The following SRGAP3 variants were observed in gnomAD, a reference collection of about 807,000 sequenced individuals.
SRGAP3 encodes the protein SLIT-ROBO Rho GTPase-activating protein 3.
A neutral mutation model predicts 121.1 loss-of-function variants in SRGAP3; 39 were observed. The ratio of observed to expected loss-of-function variants is 0.32; its 90% CI spans 0.25 to 0.42. The LOEUF is 0.42. SRGAP3 is among the 10% of genes least tolerant of loss of function. The pLI is 1.00. For missense variants in SRGAP3, 1,213 were observed against 1,470.6 expected (o/e 0.82, Z 2.86); for synonymous variants, 601 against 570.0 (o/e 1.05, Z -0.77).
chr3:9,185,312 G>A (rs760628158), intron 1 of SRGAP3, among the ~76,000 whole-genome samples: 8 of 152,124 alleles, frequency 5.3e-5, no homozygotes, highest in African/African-American at 1.2e-4. Flanking sequence ...CCTACCTGGC[G>A]AGGCCAGATT....
chr3:9,121,510 C>T (rs1211165217), intron 2 of SRGAP3, among the ~76,000 whole-genome samples: 2 of 152,172 alleles, frequency 1.3e-5, no homozygotes, highest in African/African-American at 2.4e-5. Context: ...TCTGCCATCA[C>T]ATTAGCATCG....
At chr3:9,299,858 T>A (rs1467256230) in intron 3 of SRGAP3, among the ~76,000 whole-genome samples, 1 of 152,006 alleles carries the variant, frequency 6.6e-6, no homozygotes, top group Non-Finnish European at 1.5e-5. Flanking sequence ...TGAGCCAACA[T>A]CACACCAGTG....
chr3:9,168,450 G>GA (rs944690908), intron 1 of SRGAP3, among the ~76,000 whole-genome samples: 1 of 152,224 alleles, frequency 6.6e-6, no homozygotes, highest in African/African-American at 2.4e-5. Flanking sequence ...CTCCCTCACT[G>GA]AAACCAAGGC....
intron 3 of SRGAP3, among the ~76,000 whole-genome samples, chr3:9,266,745 AC>A (rs1174657232): frequency 1.3e-5 from 2 of 151,850 alleles, no homozygotes; most frequent in Non-Finnish European, 2.9e-5. Flanking sequence ...TACTCCCTCC[AC>A]TGCACTCCAT....
intron 3 of SRGAP3, among the ~76,000 whole-genome samples, chr3:9,276,367 A>C (rs1300191211): frequency 6.7e-6 from 1 of 150,290 alleles, no homozygotes; most frequent in African/African-American, 2.4e-5. Flanking sequence ...ACCCTCCTTC[A>C]TTGGCATCCA....
At chr3:8,996,535 T>G (rs918279769) in intron 18 of SRGAP3, among the ~76,000 whole-genome samples, 1 of 152,194 alleles carries the variant, frequency 6.6e-6, no homozygotes, top group Non-Finnish European at 1.5e-5. Flanking sequence ...TAAATGCTAT[T>G]CTAACCTGGG....
At chr3:9,327,633 G>T (rs1463154231) in intron 2 of SRGAP3, among the ~76,000 whole-genome samples, 1 of 152,170 alleles carries the variant, frequency 6.6e-6, no homozygotes, top group Non-Finnish European at 1.5e-5. Context: ...TGCAGATAAG[G>T]TCTGACTCTT....
intron 3 of SRGAP3, among the ~76,000 whole-genome samples, chr3:9,280,585 T>G (rs970918283): frequency 2.0e-5 from 3 of 152,218 alleles, no homozygotes; most frequent in Non-Finnish European, 4.4e-5. Context: ...TGCATTTCCA[T>G]CCATCAGGAG....
chr3:9,069,819 C>T (rs1449754529), intron 4 of SRGAP3, among the ~76,000 whole-genome samples: 1 of 152,134 alleles, frequency 6.6e-6, no homozygotes, highest in Non-Finnish European at 1.5e-5. Context: ...TGGTGGTGGG[C>T]CCCTGTACTC....
At chr3:9,126,005 T>C (rs1162304333) in intron 1 of SRGAP3, among the ~76,000 whole-genome samples, 2 of 152,242 alleles carry the variant, frequency 1.3e-5, no homozygotes, top group African/African-American at 4.8e-5. Flanking sequence ...GTGCCCCGTC[T>C]GAAATGGTGG....
At position 9,056,275 on chromosome 3, in the gene SRGAP3, C is replaced by T; in HGVS notation, c.1083G>A (p.Gln361=). The T allele has an allele frequency of 1.2e-6, 2 of 1,614,056 alleles. No homozygotes were observed. Among genetic ancestry groups the T allele is most frequent in the African/African-American group, 2.7e-5 (2 of 75,064 alleles). The change falls in exon 8 of 22, where the codon CAG becomes CAA. Residue 361 remains glutamine (Q), a synonymous_variant. Transcript: ENST00000383836. ...TGAGGGTGGCCAGTCTGGACTGCAG[C>T]TGGTGATAACGCATGAGCAGTTCTG... ...VQTELLMRYH[Q]LQSRLATLKI... is the part of the protein sequence containing the mutation.
chr3:9,259,731 C>G (rs556916377), intron 3 of SRGAP3, among the ~76,000 whole-genome samples: 1 of 152,148 alleles, frequency 6.6e-6, no homozygotes, highest in South Asian at 2.1e-4. Context: ...CTGTCCAATA[C>G]GATTGTCACT....
chr3:9,117,853 T>C (rs1331930655), intron 2 of SRGAP3, among the ~76,000 whole-genome samples: 2 of 152,236 alleles, frequency 1.3e-5, no homozygotes, highest in African/African-American at 2.4e-5. Flanking sequence ...GGTGCGGTGG[T>C]TCTGCCTATA....
rs887189867 is a variant in SRGAP3 at position 8,985,279 on chromosome 3, G to T, written c.*240C>A. The T allele has an allele frequency of 3.8e-6, 3 of 782,746 alleles. No individual in the cohort carries two copies. The highest frequency in any genetic ancestry group is 6.7e-5 in the Admixed American group (2 of 29,752). The allele number at this position is 782,746 out of a possible 1,614,324, so 48.5% of individuals were successfully genotyped here. On this transcript the variant is annotated 3_prime_UTR_variant, in exon 22 of 22. Transcript: ENST00000383836. The surrounding 1 kb of genome is among the most constrained non-coding windows in gnomAD (Gnocchi z 5.1). ...CATGTTAGGGAATGCTGTGGTTGGG[G>T]CTGCTGGAGCTCCAGCACTCCTCTG...
intron 3 of SRGAP3, among the ~76,000 whole-genome samples, chr3:9,311,041 G>T (rs1278575344): frequency 6.6e-6 from 1 of 151,822 alleles, no homozygotes; most frequent in African/African-American, 2.4e-5. Context: ...GTGGTGGTGG[G>T]TGCCTGTAAT....
chr3:9,205,122 C>T (rs1009597986), intron 1 of SRGAP3, among the ~76,000 whole-genome samples: 1 of 152,130 alleles, frequency 6.6e-6, no homozygotes, highest in African/African-American at 2.4e-5. Flanking sequence ...TTCGAAAATG[C>T]GCAGTGAACA....
At chr3:9,299,359 CAAAA>C (rs35608018) in intron 3 of SRGAP3, among the ~76,000 whole-genome samples, 4 of 91,248 alleles carry the variant, frequency 4.4e-5, no homozygotes, top group Non-Finnish European at 4.3e-5. Context: ...GACTCCGTCC[CAAAA>C]AAAAAAAAAA....
intron 3 of SRGAP3, among the ~76,000 whole-genome samples, chr3:9,272,610 T>G (rs1188069216): frequency 4.6e-5 from 7 of 152,220 alleles, no homozygotes; most frequent in Non-Finnish European, 2.9e-5. Flanking sequence ...ATGAATAATA[T>G]TCTAATGTAT....
intron 1 of SRGAP3, among the ~76,000 whole-genome samples, chr3:9,143,628 T>C (rs1349148470): frequency 2.0e-5 from 3 of 152,152 alleles, no homozygotes; most frequent in African/African-American, 7.2e-5. Flanking sequence ...ATTCCTTTCA[T>C]TGTCTGTGTT....
Sources: gnomAD v4.1 joint callset for allele counts (sites outside exome capture counted in the v4.1 genomes callset) on GRCh38, gnomAD v4.1.1 for gene constraint, Gnocchi (gnomAD v3.1) non-coding constraint, MANE v1.5 for transcripts, NCBI Gene and HGNC (gene_info 2026-07-23, HGNC 2026-07-21) for gene names.